FHAD1: variants seen among roughly 807,000 people sequenced by gnomAD.
FHAD1 encodes the protein forkhead-associated domain-containing protein 1.
FHAD1 carries 146 observed loss-of-function variants against 191.3 expected under a neutral mutation model. The ratio of observed to expected loss-of-function variants is 0.76; its 90% confidence interval spans 0.67 to 0.88. The LOEUF is 0.88. Ranked by LOEUF, FHAD1 falls within the 40% of genes least tolerant of loss-of-function variation. FHAD1 has a pLI of 0.00. For synonymous variants in FHAD1, 616 were observed against 672.3 expected, an observed-to-expected ratio of 0.92 and a Z score of 1.29; for missense variants, 1,635 against 1,785.8, an observed-to-expected ratio of 0.92 and a Z score of 1.52.
At chr1:15,282,868 G>A (rs1358693915) in intron 3 of FHAD1, among the ~76,000 whole-genome samples, 1 of 152,156 alleles carries the variant, frequency 6.6e-6, no homozygotes, top group Non-Finnish European at 1.5e-5. Flanking sequence ...TGCAGAATAG[G>A]CAAGCCCCAA....
At chr1:15,247,587 C>T (rs1027540976) in intron 1 of FHAD1, among the ~76,000 whole-genome samples, 192 bp downstream of exon 1, 3 of 152,156 alleles carry the variant, frequency 2.0e-5, no homozygotes, top group African/African-American at 7.2e-5. Flanking sequence ...GGCCCCACCC[C>T]GCCCGCGGAG....
chr1:15,367,461 A>G lies in FHAD1; in HGVS notation c.3155-2A>G. On this transcript the variant is annotated splice_acceptor_variant, in intron 24 of 33. Transcript: ENST00000688493. LOFTEE classifies it high-confidence loss of function. ...CCTTACCGGCCCTCCTGTCACTCGCAGGGGAGCTAAACGAGAAGCAGAAGA... is the reference window on the plus strand; with the variant it reads ...CCTTACCGGCCCTCCTGTCACTCGCGGGGGAGCTAAACGAGAAGCAGAAGA... 6.4e-7 allele frequency: 1 copy of G among 1,550,906 alleles called. No individual in the cohort carries two copies. The highest frequency in any genetic ancestry group is 8.7e-7 in the Non-Finnish European group (1 of 1,146,594).
In FHAD1 at chr1:15,327,521, G is replaced by C; in HGVS notation, c.1557+379G>C. 5.7e-6 allele frequency: 1 copy of C among 174,354 alleles called. No individual in the cohort carries two copies. The highest frequency in any genetic ancestry group is 6.2e-5 in the Admixed American group (1 of 16,188). 10.8% of individuals were successfully genotyped at this position (174,354 alleles called of 1,614,324 possible). On this transcript the variant is annotated intron_variant, in intron 12 of 33. Transcript: ENST00000688493. The surrounding 1 kb of genome is among the most constrained non-coding windows in gnomAD (Gnocchi z 5.1). ...TGGCAGTGAGGGTGGATGTCTGGCT[G>C]TAATGATTGCCTTGCTGTTCTTCCA...
chr1:15,336,044 C>T lies in FHAD1; in HGVS notation c.1907-3437C>T, dbSNP rs74624461. Among the ~76,000 whole-genome samples the T allele has an allele frequency of 3.1e-3, 478 of 152,262 alleles. 2 individuals are homozygous for T. The highest frequency in any genetic ancestry group is 0.011 in the African/African-American group (438 of 41,536). ...GTCAGCCCGGCCATCTCACCTCCTCCGCCATCTTGGTATCCTTGCAATGCA... is the reference window on the plus strand; with the variant it reads ...GTCAGCCCGGCCATCTCACCTCCTCTGCCATCTTGGTATCCTTGCAATGCA... On this transcript the variant is annotated intron_variant, in intron 14 of 33. Coordinates refer to ENST00000688493, the MANE Select transcript of FHAD1 (RefSeq NM_001391957.1).
chr1:15,344,946 G>A (rs1298249792), intron 16 of FHAD1, 137 bp from the exon 17 acceptor site: 1 of 665,330 alleles, frequency 1.5e-6, no homozygotes, highest in East Asian at 2.7e-5. Context: ...CATGCTCTGA[G>A]CTCCTAGGCT....
intron 4 of FHAD1, among the ~76,000 whole-genome samples, chr1:15,295,480 C>T (rs1457429179): frequency 6.6e-6 from 1 of 152,080 alleles, no homozygotes; most frequent in Non-Finnish European, 1.5e-5. Flanking sequence ...CGGTAGCATG[C>T]ACCTGTAGTC....
intron 5 of FHAD1, among the ~76,000 whole-genome samples, chr1:15,299,776 C>T (rs763714637): frequency 1.3e-5 from 2 of 152,232 alleles, no homozygotes; most frequent in Non-Finnish European, 2.9e-5. Context: ...GGATATTGAA[C>T]AAACACCTGG....
intron 6 of FHAD1, 74 bp from the exon 7 acceptor site, chr1:15,308,539 A>G (rs1242266072): frequency 6.6e-7 from 1 of 1,518,370 alleles, no homozygotes; most frequent in African/African-American, 1.4e-5. Flanking sequence ...CTTTCTGTCA[A>G]GCTTGTGAGA....
chr1:15,354,171 A>C (rs372684273), intron 20 of FHAD1, among the ~76,000 whole-genome samples: 52 of 152,324 alleles, frequency 3.4e-4, no homozygotes, highest in African/African-American at 1.2e-3. Context: ...ATTAGCATGC[A>C]TTTGAATCTC....
At chr1:15,371,816 G>A (rs1476284491) in intron 26 of FHAD1, among the ~76,000 whole-genome samples, 1 of 152,240 alleles carries the variant, frequency 6.6e-6, no homozygotes, top group Non-Finnish European at 1.5e-5. Context: ...AAGCGAGGCC[G>A]TACTAAGCGC....
intron 18 of FHAD1, 30 bp downstream of exon 18, chr1:15,345,553 C>A (rs1361943510): frequency 6.6e-7 from 1 of 1,523,750 alleles, no homozygotes; most frequent in Admixed American, 2.0e-5. Flanking sequence ...GTCGGCTGAG[C>A]CCCAGTCGGC....
At chr1:15,336,108 C>T (rs145977936) in intron 14 of FHAD1, among the ~76,000 whole-genome samples, 27 of 152,294 alleles carry the variant, frequency 1.8e-4, no homozygotes, top group South Asian at 1.0e-3. Context: ...ACTCTCAAGC[C>T]TCCAAACCCT....
rs1369412914 is a variant in FHAD1 at position 15,241,240 on chromosome 1, C to G, written c.-15+4479C>G. ...AGCAATGAGAATGAATGAACCACAG[C>G]TACTTGAAGAGACATGCTTGACTTT... On this transcript the variant is annotated intron_variant, in intron 1 of 33. Coordinates refer to the FHAD1 transcript ENST00000683790. Among the ~76,000 whole-genome samples, 8 of 152,164 alleles carry G rather than the reference C, an allele frequency of 5.3e-5. No homozygotes were observed. The East Asian group carries it at 1.5e-3, about 29-fold the overall frequency.
At chr1:15,374,799 G>A (rs1181740581) in intron 27 of FHAD1, among the ~76,000 whole-genome samples, 168 bp downstream of exon 27, 6 of 151,780 alleles carry the variant, frequency 4.0e-5, no homozygotes, top group Admixed American at 3.9e-4. Context: ...GTCAAGTGCA[G>A]GCCTTGATAT....
In FHAD1 at chr1:15,327,245, G is replaced by A; in HGVS notation, c.1557+103G>A. The stretch of plus-strand genomic sequence containing the variant: ...GGAGCATATGTTTCTGTTTTTGTTG[G>A]TGGCATATTTTTCACACTGTTGCTA... On this transcript the variant is annotated intron_variant, in intron 12 of 33. Transcript: ENST00000688493. The surrounding 1 kb of genome is among the most constrained non-coding windows in gnomAD (Gnocchi z 5.1). 4 of 742,172 alleles carry A rather than the reference G, an allele frequency of 5.4e-6. No individual in the cohort carries two copies. The highest frequency in any genetic ancestry group is 6.7e-6 in the Non-Finnish European group (3 of 450,190). The allele number at this position is 742,172 out of a possible 1,614,324, so 46.0% of individuals were successfully genotyped here.
intron 4 of FHAD1, among the ~76,000 whole-genome samples, chr1:15,296,251 A>AT (rs779409884): frequency 0.08 from 10,770 of 134,598 alleles, 547 homozygotes; most frequent in African/African-American, 0.11. Flanking sequence ...CCACTTTGTA[A>AT]TTTTTTTTTT....
rs542127900 is a variant in FHAD1, at chr1:15,344,891, A to G, written c.2131-192A>G. Among the ~76,000 whole-genome samples, 61 of 151,990 alleles carry G rather than the reference A, an allele frequency of 4.0e-4. 1 individual carries two copies. The highest frequency in any genetic ancestry group is 6.8e-4 in the Non-Finnish European group (46 of 68,022). Reference sequence around the variant, plus strand: ...CTTCCCCAGTGCCTTACAGCTGGAAAGGATCAACCTGGGGCTCTACCCTGG... The same window carrying G: ...CTTCCCCAGTGCCTTACAGCTGGAAGGGATCAACCTGGGGCTCTACCCTGG... On this transcript the variant is annotated intron_variant, in intron 16 of 33. Coordinates refer to ENST00000688493, the MANE Select transcript of FHAD1 (RefSeq NM_001391957.1).
chr1:15,293,591 A>ACG (rs1558026624), intron 4 of FHAD1, among the ~76,000 whole-genome samples: 4 of 152,036 alleles, frequency 2.6e-5, no homozygotes, highest in African/African-American at 9.7e-5. Context: ...GGTGGCACGC[A>ACG]CCTGTAATCC....
chr1:15,329,275 C>A lies in FHAD1; in HGVS notation c.1711-71C>A. 1 of 1,295,888 alleles carries A rather than the reference C, an allele frequency of 7.7e-7. No individual in the cohort carries two copies. Among genetic ancestry groups the A allele is most frequent in the Non-Finnish European group, 1.0e-6 (1 of 958,278 alleles). 80.3% of individuals were successfully genotyped at this position (1,295,888 alleles called of 1,614,324 possible). ...TCGTGGCAGAGTCAAGAACGCTGTT[C>A]CTCGAAGGTCACGTCAGGGGCTATT... On this transcript the variant is annotated intron_variant, in intron 13 of 33. Transcript: ENST00000688493. The surrounding 1 kb of genome is among the most constrained non-coding windows in gnomAD (Gnocchi z 5.0).
Sources: gnomAD v4.1 joint callset for allele counts (sites outside exome capture counted in the v4.1 genomes callset) on GRCh38, gnomAD v4.1.1 for gene constraint, Gnocchi (gnomAD v3.1) non-coding constraint, MANE v1.5 for transcripts, NCBI Gene and HGNC (gene_info 2026-07-23, HGNC 2026-07-21) for gene names.